NYAP2: variants seen among roughly 807,000 people sequenced by gnomAD.
NYAP2 encodes the protein neuronal tyrosine-phosphorylated phosphoinositide-3-kinase adaptor 2.
A neutral mutation model predicts 50.4 loss-of-function variants in NYAP2; 23 were observed. The observed-to-expected ratio is 0.46, with a 90% confidence interval of 0.33 to 0.65. NYAP2 has a LOEUF of 0.65. NYAP2 is among the 30% of genes least tolerant of loss of function. The pLI is 0.02. For synonymous variants in NYAP2, 394 were observed against 365.2 expected, an observed-to-expected ratio of 1.08 and a Z score of -0.90; for missense variants, 885 against 861.0, an observed-to-expected ratio of 1.03 and a Z score of -0.35.
chr2:225,498,970 G>T (rs1559196502), intron 3 of NYAP2, among the ~76,000 whole-genome samples: 2 of 152,172 alleles, frequency 1.3e-5, no homozygotes, highest in Non-Finnish European at 2.9e-5. Context: ...GTCTCAGAAT[G>T]CAGGTAACCA....
At chr2:225,524,801 C>G (rs1691124362) in intron 4 of NYAP2, among the ~76,000 whole-genome samples, 1 of 151,934 alleles carries the variant, frequency 6.6e-6, no homozygotes, top group Admixed American at 6.6e-5. Flanking sequence ...ACAGAGTAAA[C>G]AGAGAAACTG....
chr2:225,666,191 C>T, the NYAP2 span, among the ~76,000 whole-genome samples: 1 of 152,108 alleles, frequency 6.6e-6, no homozygotes, highest in Non-Finnish European at 1.5e-5. Context: ...ATTGTTCACC[C>T]CATATGTCCC....
chr2:225,441,304 G>A (rs1208025997), intron 3 of NYAP2, among the ~76,000 whole-genome samples: 1 of 152,118 alleles, frequency 6.6e-6, no homozygotes, highest in African/African-American at 2.4e-5. Flanking sequence ...TCTTTAATAT[G>A]ATAAACCAAA....
At chr2:225,482,117 T>C (rs1394889822) in intron 3 of NYAP2, among the ~76,000 whole-genome samples, 1 of 152,176 alleles carries the variant, frequency 6.6e-6, no homozygotes, top group African/African-American at 2.4e-5. Flanking sequence ...TCCTATTCCA[T>C]TATATTCTAT....
chr2:225,556,587 T>G (rs535039227), intron 4 of NYAP2, among the ~76,000 whole-genome samples: 1 of 152,186 alleles, frequency 6.6e-6, no homozygotes, highest in Non-Finnish European at 1.5e-5. Context: ...TTAATTGTTT[T>G]GACCATCTTG....
intron 6 of NYAP2, 101 bp downstream of exon 6, chr2:225,627,227 C>G: frequency 1.1e-5 from 10 of 887,338 alleles, no homozygotes; most frequent in Non-Finnish European, 1.8e-5. Flanking sequence ...ATATCTCTGT[C>G]TGCACACAGA....
rs185021492 is a variant in NYAP2 at position 225,592,194 on chromosome 2, C to A, written c.1618+9159C>A. Among the ~76,000 whole-genome samples the A allele has an allele frequency of 1.8e-3, 280 of 152,280 alleles. 1 individual carries two copies. The highest frequency in any genetic ancestry group is 0.01 in the Middle Eastern group (3 of 294). On this transcript the variant is annotated intron_variant, in intron 5 of 6. Transcript: ENST00000636099. ...GGGTGTATGTGCAGGTTTCTTTGGCCTGTCAGATACGCAGTACTGAGCTAC... is the reference window on the plus strand; with the variant it reads ...GGGTGTATGTGCAGGTTTCTTTGGCATGTCAGATACGCAGTACTGAGCTAC...
At chr2:225,550,026 A>G (rs756737731) in intron 4 of NYAP2, among the ~76,000 whole-genome samples, 16 of 150,724 alleles carry the variant, frequency 1.1e-4, no homozygotes, top group Admixed American at 2.0e-4. Flanking sequence ...AGAGAGAGAG[A>G]AAAAAAAAGA....
At chr2:225,485,578 TG>T (rs1690275764) in intron 3 of NYAP2, among the ~76,000 whole-genome samples, 1 of 152,074 alleles carries the variant, frequency 6.6e-6, no homozygotes, top group Non-Finnish European at 1.5e-5. Context: ...TGGACAATGG[TG>T]GGGAGGAGCC....
At chr2:225,696,047 A>C in the NYAP2 span, among the ~76,000 whole-genome samples, 1 of 152,002 alleles carries the variant, frequency 6.6e-6, no homozygotes, top group Non-Finnish European at 1.5e-5. Flanking sequence ...CCACAAATTT[A>C]GTTGTATTTT....
the NYAP2 span, among the ~76,000 whole-genome samples, chr2:225,668,254 AGATTT>A: frequency 0.024 from 3,582 of 152,276 alleles, 155 homozygotes; most frequent in African/African-American, 0.081. Flanking sequence ...TCTTGTGATT[AGATTT>A]GAGTTCACCA....
chr2:225,503,292 G>A (rs1484863122), intron 3 of NYAP2, among the ~76,000 whole-genome samples: 1 of 152,132 alleles, frequency 6.6e-6, no homozygotes, highest in Non-Finnish European at 1.5e-5. Flanking sequence ...TGTATTCTAA[G>A]TTCAATCTGA....
the NYAP2 span, among the ~76,000 whole-genome samples, chr2:225,680,637 A>AT: frequency 3.3e-5 from 5 of 152,136 alleles, no homozygotes; most frequent in East Asian, 1.9e-4. Context: ...AAGTAGTTTC[A>AT]TTTTTTATAG....
chr2:225,454,694 G>A (rs149575986), intron 3 of NYAP2, among the ~76,000 whole-genome samples: 17 of 152,256 alleles, frequency 1.1e-4, no homozygotes, highest in South Asian at 6.2e-4. Flanking sequence ...CTACGCATGC[G>A]AAGAATCTAG....
intron 4 of NYAP2, among the ~76,000 whole-genome samples, chr2:225,553,314 T>C (rs1691715038): frequency 6.6e-6 from 1 of 152,234 alleles, no homozygotes; most frequent in Non-Finnish European, 1.5e-5. Flanking sequence ...CTGAGTATTC[T>C]ACTTTCCTCT....
exon 5 of NYAP2, chr2:225,581,999 A>G (rs1465687265): frequency 6.2e-7 from 1 of 1,613,572 alleles, no homozygotes; most frequent in Non-Finnish European, 8.5e-7. Flanking sequence ...CTCCTCCCAA[A>G]CCGAAGCGAA....
At chr2:225,593,527 C>T (rs1692547981) in intron 5 of NYAP2, among the ~76,000 whole-genome samples, 1 of 152,198 alleles carries the variant, frequency 6.6e-6, no homozygotes, top group Non-Finnish European at 1.5e-5. Flanking sequence ...CTACCAATTT[C>T]TCCATGGTGT....
intron 5 of NYAP2, among the ~76,000 whole-genome samples, chr2:225,603,947 A>G (rs1692741912): frequency 6.6e-6 from 1 of 152,178 alleles, no homozygotes; most frequent in Non-Finnish European, 1.5e-5. Context: ...TTTTGCCACA[A>G]GGAAGTCTGT....
At chr2:225,446,134 T>C (rs1380045323) in intron 3 of NYAP2, among the ~76,000 whole-genome samples, 1 of 150,824 alleles carries the variant, frequency 6.6e-6, no homozygotes, top group African/African-American at 2.4e-5. Context: ...TGAGCCCAGA[T>C]TGCACCACTG....
Sources: allele counts gnomAD v4.1 joint callset (sites outside exome capture counted in the v4.1 genomes callset), GRCh38; gene constraint gnomAD v4.1.1; transcripts MANE v1.5; gene names NCBI Gene and HGNC (gene_info 2026-07-23, HGNC 2026-07-21).